CLDND2: variants seen among roughly 807,000 people sequenced by gnomAD.
The protein encoded by CLDND2 is claudin domain-containing protein 2.
Under a neutral mutation model 17.7 loss-of-function variants are expected in CLDND2, and 18 were observed. The ratio of observed to expected loss-of-function variants is 1.02; its 90% CI spans 0.70 to 1.51. The LOEUF is 1.51. Ranked by LOEUF, CLDND2 falls within the 40% of genes most tolerant of loss-of-function variation. The pLI, the probability that CLDND2 is intolerant of heterozygous loss-of-function variation, is 0.00. For missense variants in CLDND2, 233 were observed against 219.6 expected (o/e 1.06, Z -0.39); for synonymous variants, 113 against 93.0 (o/e 1.22, Z -1.24).
Position 51,367,272 on chromosome 19 carries a change from C to A in CLDND2, c.431-57G>T. On this transcript the variant is annotated intron_variant, in intron 3 of 3. Transcript: ENST00000291715. The surrounding 1 kb of genome is among the most constrained non-coding windows in gnomAD (Gnocchi z 7.4). ...GAAGGTGGGCCCTGGGGCGGATGGCCGGGAGGGCCCCGGGGACTGGGGTTT... is the reference window on the plus strand; with the variant it reads ...GAAGGTGGGCCCTGGGGCGGATGGCAGGGAGGGCCCCGGGGACTGGGGTTT... The A allele has an allele frequency of 1.3e-6, 2 of 1,577,908 alleles. No individual in the cohort carries two copies. Among genetic ancestry groups the A allele is most frequent in the Non-Finnish European group, 1.7e-6 (2 of 1,148,672 alleles).
In CLDND2 at chr19:51,367,238, C is replaced by G. The variant is rs762325155; in HGVS notation, c.431-23G>C. ...AGCCTGGGGGGACGGGGGTGCGGAG[C>G]AGGGAGAGGAAGGTGGGCCCTGGGG... On this transcript the variant is annotated intron_variant, in intron 3 of 3. Coordinates refer to ENST00000291715, the MANE Select transcript of CLDND2 (RefSeq NM_152353.3). The surrounding 1 kb of genome is among the most constrained non-coding windows in gnomAD (Gnocchi z 7.4). 1 of 1,613,488 alleles carries G rather than the reference C, an allele frequency of 6.2e-7. No individual in the cohort carries two copies. The highest frequency in any genetic ancestry group is 8.5e-7 in the Non-Finnish European group (1 of 1,179,682).
intron 1 of CLDND2, 78 bp from the exon 2 acceptor site, chr19:51,368,104 C>G (rs892934299): frequency 9.7e-6 from 14 of 1,440,404 alleles, no homozygotes; most frequent in East Asian, 2.5e-5. Context: ...GAAGCTCTCC[C>G]GTCTCCTGCC....
rs1435374450 is a variant in CLDND2, at chr19:51,367,617, G to A, written c.311-41C>T. 6.3e-7 allele frequency: 1 copy of A among 1,593,626 alleles called. No homozygotes were observed. On this transcript the variant is annotated intron_variant, in intron 2 of 3. Transcript: ENST00000291715. The surrounding 1 kb of genome is among the most constrained non-coding windows in gnomAD (Gnocchi z 7.4). ...CCGCAAGATGAGCTAGCTGGGCCTG[G>A]TGGGGGCTGCACCCAGGCCACGCCC...
In CLDND2 at chr19:51,367,925, G is replaced by A. The variant is rs1273741707; in HGVS notation, c.271C>T (p.Leu91=). The change falls in exon 2 of 4, where the codon CTG becomes TTG. Residue 91 remains leucine (L), a synonymous_variant. Coordinates refer to ENST00000291715, the MANE Select transcript of CLDND2 (RefSeq NM_152353.3). The surrounding 1 kb of genome is among the most constrained non-coding windows in gnomAD (Gnocchi z 7.4). ...LRIRCDEGES[L]RGQTTSAFLF... ...AAGGCGCTCGTGGTCTGGCCCCGCAGCGACTCGCCCTCGTCGCACCGAATC... is the reference window on the plus strand; with the variant it reads ...AAGGCGCTCGTGGTCTGGCCCCGCAACGACTCGCCCTCGTCGCACCGAATC... 26 of 1,612,836 alleles carry A rather than the reference G, an allele frequency of 1.6e-5. No homozygotes were observed. Among genetic ancestry groups the A allele is most frequent in the Non-Finnish European group, 2.2e-5 (26 of 1,179,756 alleles).
Position 51,367,319 on chromosome 19 carries a change from C to T in CLDND2, c.431-104G>A. ...GTTTGGGGCTCCAAGGGGGTCTCTG[C>T]CGGGTCTGCGGGAGTCGTTAGTGTG... is the stretch of plus-strand genomic sequence containing the variant. On this transcript the variant is annotated intron_variant, in intron 3 of 3. Coordinates refer to ENST00000291715, the MANE Select transcript of CLDND2 (RefSeq NM_152353.3). This position sits in a 1 kb window ranked among gnomAD's most constrained non-coding sequence, Gnocchi z 7.4. 7.1e-7 allele frequency: 1 copy of T among 1,413,396 alleles called. No homozygotes were observed. Among genetic ancestry groups the T allele is most frequent in the Admixed American group, 1.9e-5 (1 of 53,664 alleles). 87.6% of individuals were successfully genotyped at this position (1,413,396 alleles called of 1,614,324 possible).
Position 51,367,369 on chromosome 19 carries a change from G to C in CLDND2, c.430+88C>G, listed in dbSNP as rs1416527605. 1 of 1,414,772 alleles carries C rather than the reference G, an allele frequency of 7.1e-7. No homozygotes were observed. The highest frequency in any genetic ancestry group is 1.2e-5 in the South Asian group (1 of 82,620). The allele number at this position is 1,414,772 out of a possible 1,614,324, so 87.6% of individuals were successfully genotyped here. A position where few individuals can be genotyped will look rare whatever the true frequency, so the allele number is the denominator to read the frequency against. On this transcript the variant is annotated intron_variant, in intron 3 of 3. Coordinates refer to ENST00000291715, the MANE Select transcript of CLDND2 (RefSeq NM_152353.3). The surrounding 1 kb of genome is among the most constrained non-coding windows in gnomAD (Gnocchi z 7.4). ...GTTGGGGAGTCCCCGAGAGGTCCCC[G>C]GGGTTTCCTGGGAGGGCAGCTGGGG...
rs1041543903 is a variant in CLDND2 at position 51,368,700 on chromosome 19, C to G, written c.-123G>C. 4 of 866,670 alleles carry G rather than the reference C, an allele frequency of 4.6e-6. No individual in the cohort carries two copies. The Admixed American group carries it at 1.2e-4, about 25-fold the overall frequency. 53.7% of individuals were successfully genotyped at this position (866,670 alleles called of 1,614,324 possible). A position where few individuals can be genotyped will look rare whatever the true frequency, so the allele number is the denominator to read the frequency against. ...CTCCCCTGGTACTCCTGCCTGAGGT[C>G]CCTGCTTCTGGGGACCTGGAGACCC... On this transcript the variant is annotated 5_prime_UTR_variant, in exon 1 of 4. Coordinates refer to ENST00000291715, the MANE Select transcript of CLDND2 (RefSeq NM_152353.3).
rs2087982719 is a variant in CLDND2 at position 51,368,916 on chromosome 19, T to C, written c.-339A>G. Reference sequence around the variant, plus strand: ...CCCTTTCAGCCCAGCCTGTTCAATGTCCTCCCCAGACACCCCTCCACACAG... The same window carrying C: ...CCCTTTCAGCCCAGCCTGTTCAATGCCCTCCCCAGACACCCCTCCACACAG... On this transcript the variant is annotated 5_prime_UTR_variant, in exon 1 of 4. Coordinates refer to ENST00000291715, the MANE Select transcript of CLDND2 (RefSeq NM_152353.3). 4.4e-6 allele frequency: 1 copy of C among 227,420 alleles called. No homozygotes were observed. The highest frequency in any genetic ancestry group is 8.8e-6 in the Non-Finnish European group (1 of 114,024). The allele number at this position is 227,420 out of a possible 1,614,324, so 14.1% of individuals were successfully genotyped here. A position where few individuals can be genotyped will look rare whatever the true frequency, so the allele number is the denominator to read the frequency against.
chr19:51,368,440 G>A lies in CLDND2; in HGVS notation c.138C>T (p.Asn46=). ...AGGGGATGCTGGAGCAGATGCCGTG[G>A]TTGCATTCCTGCCACAGGCCACTGT... is the stretch of plus-strand genomic sequence containing the variant. ...EGHSGLWQEC[N]HGICSSIPCQ... is the part of the protein sequence containing the mutation. The change falls in exon 1 of 4, where the codon AAC becomes AAT. Residue 46 remains asparagine, a synonymous_variant. Transcript: ENST00000291715. 1 of 1,613,728 alleles carries A rather than the reference G, an allele frequency of 6.2e-7. No homozygotes were observed. The highest frequency in any genetic ancestry group is 8.5e-7 in the Non-Finnish European group (1 of 1,179,956).
At chr19:51,368,114 C>A (rs1182293958) in intron 1 of CLDND2, 88 bp from the exon 2 acceptor site, 16 of 1,399,236 alleles carry the variant, frequency 1.1e-5, no homozygotes, top group Non-Finnish European at 1.5e-5. Flanking sequence ...CGTCTCCTGC[C>A]CCCAACCCGG....
In CLDND2 at chr19:51,367,603, G is replaced by A. The variant is rs769732675; in HGVS notation, c.311-27C>T. Reference sequence around the variant, plus strand: ...TGGGCCCCGCCCAGCCGCAAGATGAGCTAGCTGGGCCTGGTGGGGGCTGCA... The same window carrying A: ...TGGGCCCCGCCCAGCCGCAAGATGAACTAGCTGGGCCTGGTGGGGGCTGCA... On this transcript the variant is annotated intron_variant, in intron 2 of 3. Coordinates refer to ENST00000291715, the MANE Select transcript of CLDND2 (RefSeq NM_152353.3). This position sits in a 1 kb window ranked among gnomAD's most constrained non-coding sequence, Gnocchi z 7.4. 13 of 1,603,902 alleles carry A rather than the reference G, an allele frequency of 8.1e-6. No individual in the cohort carries two copies. The highest frequency in any genetic ancestry group is 1.3e-5 in the African/African-American group (1 of 74,664).
In CLDND2 at chr19:51,367,696, CT is replaced by C; in HGVS notation, c.311-121del. 5.4e-6 allele frequency: 8 copies of C among 1,491,642 alleles called. No homozygotes were observed. Among genetic ancestry groups the C allele is most frequent in the Non-Finnish European group, 7.1e-6 (8 of 1,121,224 alleles). The allele number at this position is 1,491,642 out of a possible 1,614,324, so 92.4% of individuals were successfully genotyped here. A position where few individuals can be genotyped will look rare whatever the true frequency, so the allele number is the denominator to read the frequency against. Reference sequence around the variant, plus strand: ...ACGCCTATCGCCTCTCAGCCCGCCCCTGGCCCAGGCCCCTTCCTGCTCCTCC... The same window carrying C: ...ACGCCTATCGCCTCTCAGCCCGCCCCGGCCCAGGCCCCTTCCTGCTCCTCC... On this transcript the variant is annotated intron_variant, in intron 2 of 3. Coordinates refer to ENST00000291715, the MANE Select transcript of CLDND2 (RefSeq NM_152353.3). The surrounding 1 kb of genome is among the most constrained non-coding windows in gnomAD (Gnocchi z 7.4).
chr19:51,368,379 C>T (rs779631758), intron 1 of CLDND2, 30 bp downstream of exon 1: 4 of 1,593,332 alleles, frequency 2.5e-6, no homozygotes, highest in Non-Finnish European at 3.4e-6. Context: ...TCTGAAATGC[C>T]CTCTGACATC....
Position 51,367,231 on chromosome 19 carries a change from T to A in CLDND2, c.431-16A>T. On this transcript the variant is annotated splice_polypyrimidine_tract_variant and intron_variant, in intron 3 of 3. Coordinates refer to ENST00000291715, the MANE Select transcript of CLDND2 (RefSeq NM_152353.3). This position sits in a 1 kb window ranked among gnomAD's most constrained non-coding sequence, Gnocchi z 7.4. ...AAGCAGAAGCCTGGGGGGACGGGGG[T>A]GCGGAGCAGGGAGAGGAAGGTGGGC... 1 of 1,613,116 alleles carries A rather than the reference T, an allele frequency of 6.2e-7. No individual in the cohort carries two copies. The highest frequency in any genetic ancestry group is 8.5e-7 in the Non-Finnish European group (1 of 1,179,726).
At chr19:51,368,082 C>A in intron 1 of CLDND2, 56 bp from the exon 2 acceptor site, 1 of 1,518,208 alleles carries the variant, frequency 6.6e-7, no homozygotes, top group Non-Finnish European at 8.9e-7. Context: ...ACTACGGGTT[C>A]GGCCGCAACC....
chr19:51,367,815 CT>C lies in CLDND2; in HGVS notation c.310+70del. 1 of 1,563,096 alleles carries C rather than the reference CT, an allele frequency of 6.4e-7. No homozygotes were observed. Among genetic ancestry groups the C allele is most frequent in the Non-Finnish European group, 8.6e-7 (1 of 1,160,062 alleles). ...TGGCCGAGTACCTCAAGCCCCTCCC[CT>C]GGCGACCAGGCCCCTCCATCACCCA... is the stretch of plus-strand genomic sequence containing the variant. On this transcript the variant is annotated intron_variant, in intron 2 of 3. Transcript: ENST00000291715. This position sits in a 1 kb window ranked among gnomAD's most constrained non-coding sequence, Gnocchi z 7.4.
chr19:51,368,098 C>T lies in CLDND2; in HGVS notation c.170-72G>A, dbSNP rs996040901. On this transcript the variant is annotated intron_variant, in intron 1 of 3. Transcript: ENST00000291715. ...CTACGGGTTCGGCCGCAACCGGAAG[C>T]TCTCCCGTCTCCTGCCCCCAACCCG... 13 of 1,464,588 alleles carry T rather than the reference C, an allele frequency of 8.9e-6. No homozygotes were observed. The Admixed American group carries it at 1.6e-4, about 19-fold the overall frequency. 90.7% of individuals were successfully genotyped at this position (1,464,588 alleles called of 1,614,324 possible). A position where few individuals can be genotyped will look rare whatever the true frequency, so the allele number is the denominator to read the frequency against.
rs1161424977 is a variant in CLDND2 at position 51,368,595 on chromosome 19, CG to C, written c.-19del. The C allele has an allele frequency of 2.5e-6, 4 of 1,608,232 alleles. No homozygotes were observed. The highest frequency in any genetic ancestry group is 2.5e-6 in the Non-Finnish European group (3 of 1,178,050). ...ACCCCCATGCCACTGAGGCTGCAGC[CG>C]GGGGCCACAAGGGCAGGATGGGCCC... On this transcript the variant is annotated 5_prime_UTR_variant, in exon 1 of 4. Transcript: ENST00000291715.
chr19:51,367,455 A>T lies in CLDND2; in HGVS notation c.430+2T>A, dbSNP rs765039331. On this transcript the variant is annotated splice_donor_variant, in intron 3 of 3. Coordinates refer to ENST00000291715, the MANE Select transcript of CLDND2 (RefSeq NM_152353.3). LOFTEE classifies it high-confidence loss of function. The surrounding 1 kb of genome is among the most constrained non-coding windows in gnomAD (Gnocchi z 7.4). ...CCACCCTCTTCCCGCTGTCCAGTTT[A>T]CCCGCGAGAATTGAGAAGGGTAAGG... The T allele has an allele frequency of 6.3e-7, 1 of 1,595,494 alleles. No individual in the cohort carries two copies. The highest frequency in any genetic ancestry group is 1.1e-5 in the South Asian group (1 of 88,250).
Sources: allele counts gnomAD v4.1 joint callset, GRCh38; gene constraint gnomAD v4.1.1; non-coding constraint Gnocchi (gnomAD v3.1); transcripts MANE v1.5; gene names NCBI Gene and HGNC (gene_info 2026-07-23, HGNC 2026-07-21).